PLCG2: variants seen among roughly 807,000 people sequenced by gnomAD.
PLCG2 encodes the protein phospholipase C gamma 2.
PLCG2 carries 69 observed loss-of-function variants against 175.6 expected under a neutral mutation model. The observed-to-expected ratio is 0.39, with a 90% CI of 0.32 to 0.48. The LOEUF (loss-of-function observed/expected upper bound fraction) is 0.48, where lower values mean the gene tolerates loss of function less well. PLCG2 is among the 20% of genes least tolerant of loss of function. The probability of loss-of-function intolerance (pLI) is 0.91; values close to 1 mark genes in which losing one functional copy is unlikely to be tolerated. For synonymous variants in PLCG2, 827 were observed against 624.0 expected (o/e 1.33, Z -4.85); for missense variants, 1,798 against 1,650.9 (o/e 1.09, Z -1.54).
Position 81,938,904 on chromosome 16 carries a change from C to T in PLCG2, c.3302C>T (p.Thr1101Met), listed in dbSNP as rs755617580. 17 of 1,603,982 alleles carry T rather than the reference C, an allele frequency of 1.1e-5. No homozygotes were observed. The highest frequency in any genetic ancestry group is 1.5e-5 in the Non-Finnish European group (17 of 1,171,416). ...GAEYDNNKFKTTVVNDNGLSP... is the reference protein window; with the variant it reads ...GAEYDNNKFKMTVVNDNGLSP... The stretch of plus-strand genomic sequence containing the variant: ...GAGTATGACAACAACAAGTTCAAGA[C>T]GACGGTTGTGAGTAAGTCAGTCACC... Residue 1101 changes from threonine (T) to methionine (M), a missense_variant, in exon 29 of 33, where the codon ACG becomes ATG. By Grantham distance (81) the Thr-to-Met change is moderately conservative. Transcript: ENST00000564138.
chr16:81,923,887 A>G (rs1910157826), intron 22 of PLCG2, among the ~76,000 whole-genome samples: 1 of 152,216 alleles, frequency 6.6e-6, no homozygotes, highest in Non-Finnish European at 1.5e-5. Context: ...GCAGTCTGCT[A>G]ATTGCTTTCC....
At chr16:81,787,745 A>G (rs1484782071) in intron 2 of PLCG2, among the ~76,000 whole-genome samples, 1 of 151,536 alleles carries the variant, frequency 6.6e-6, no homozygotes, top group East Asian at 1.9e-4. Context: ...CATCCCCCCT[A>G]CCAGACGTAA....
intron 2 of PLCG2, among the ~76,000 whole-genome samples, chr16:81,821,903 A>C (rs1904816576): frequency 6.6e-6 from 1 of 151,492 alleles, no homozygotes; most frequent in South Asian, 2.1e-4. Flanking sequence ...GCACAAAGAG[A>C]GAGCCAGACA....
intron 14 of PLCG2, among the ~76,000 whole-genome samples, chr16:81,902,339 C>G (rs1012672374): frequency 3.3e-4 from 51 of 152,294 alleles, no homozygotes; most frequent in African/African-American, 1.2e-3. Flanking sequence ...ACAACAGGAA[C>G]TGATTTCTCA....
At chr16:81,851,640 G>A (rs949522059) in intron 2 of PLCG2, among the ~76,000 whole-genome samples, 8 of 152,160 alleles carry the variant, frequency 5.3e-5, no homozygotes, top group Non-Finnish European at 8.8e-5. Context: ...ATCCTCCCAA[G>A]TAGCTGGTAC....
chr16:81,909,598 G>T (rs1462028360), intron 17 of PLCG2, among the ~76,000 whole-genome samples: 1 of 152,182 alleles, frequency 6.6e-6, no homozygotes, highest in Non-Finnish European at 1.5e-5. Flanking sequence ...TAAATTTTTT[G>T]TAGAGCTGGA....
intron 1 of PLCG2, among the ~76,000 whole-genome samples, chr16:81,743,756 T>G (rs757355462): frequency 6.6e-5 from 10 of 152,166 alleles, no homozygotes; most frequent in Non-Finnish European, 1.5e-4. Flanking sequence ...AGTGGCGAGA[T>G]GAAGAAAGAC....
intron 2 of PLCG2, among the ~76,000 whole-genome samples, chr16:81,853,055 G>A (rs1273070479): frequency 1.3e-5 from 2 of 152,212 alleles, no homozygotes. Flanking sequence ...CCCAGGCTGG[G>A]CCCGCTGGCT....
At chr16:81,902,537 CCT>C (rs1234362844) in intron 14 of PLCG2, among the ~76,000 whole-genome samples, 1 of 152,012 alleles carries the variant, frequency 6.6e-6, no homozygotes, top group Non-Finnish European at 1.5e-5. Flanking sequence ...ATATCTTTGG[CCT>C]CTTTTATAAG....
At chr16:81,778,938 G>A (rs1910587151), upstream of PLCG2, among the ~76,000 whole-genome samples, 1 of 152,242 alleles carries the variant, frequency 6.6e-6, no homozygotes, top group South Asian at 2.1e-4. Context: ...TGGGATGACA[G>A]GCGTGAGCCC....
intron 2 of PLCG2, among the ~76,000 whole-genome samples, chr16:81,845,284 T>G (rs1250499350): frequency 6.6e-6 from 1 of 152,234 alleles, no homozygotes; most frequent in Admixed American, 6.5e-5. Context: ...CTTGATTCAG[T>G]TGCTAACAAG....
intron 2 of PLCG2, among the ~76,000 whole-genome samples, chr16:81,811,545 G>C (rs1010502116): frequency 2.0e-5 from 3 of 151,968 alleles, no homozygotes; most frequent in Non-Finnish European, 1.5e-5. Flanking sequence ...ACAGGCCCCA[G>C]TGTGTGGTGT....
At chr16:81,800,685 A>G (rs138170755) in intron 2 of PLCG2, among the ~76,000 whole-genome samples, 4 of 151,840 alleles carry the variant, frequency 2.6e-5, no homozygotes, top group Non-Finnish European at 4.4e-5. Context: ...TATTATTATT[A>G]TTATTGTTAT....
chr16:81,891,329 G>A (rs1335685149), intron 10 of PLCG2, 143 bp from the exon 11 acceptor site: 5 of 645,748 alleles, frequency 7.7e-6, no homozygotes, highest in Middle Eastern at 3.3e-4. Context: ...TATTGAAAAC[G>A]TGGGTAACTG....
chr16:81,746,628 C>A (rs1909713048), intron 1 of PLCG2, among the ~76,000 whole-genome samples: 1 of 152,192 alleles, frequency 6.6e-6, no homozygotes, highest in Non-Finnish European at 1.5e-5. Flanking sequence ...AGAATAAGAG[C>A]AATATACACT....
At chr16:81,789,809 A>T (rs1342727960) in intron 2 of PLCG2, among the ~76,000 whole-genome samples, 1 of 130,610 alleles carries the variant, frequency 7.7e-6, no homozygotes, top group Non-Finnish European at 1.6e-5. Context: ...TCTCCCTCCC[A>T]CTTTCCCTTT....
intron 5 of PLCG2, among the ~76,000 whole-genome samples, chr16:81,860,172 A>ATTATTATTATTTTTTT (rs763047744): frequency 8.3e-6 from 1 of 120,614 alleles, no homozygotes; most frequent in South Asian, 2.7e-4. Flanking sequence ...TATTATTATT[A>ATTATTATTATTTTTTT]TTTTTTTTTT....
At position 81,783,380 on chromosome 16, in the gene PLCG2, C is replaced by T. The variant is rs186251898; in HGVS notation, c.-47-2563C>T. Among the ~76,000 whole-genome samples, 473 of 152,294 alleles carry T rather than the reference C, an allele frequency of 3.1e-3. 1 individual carries two copies. Among genetic ancestry groups the T allele is most frequent in the Admixed American group, 6.5e-3 (99 of 15,294 alleles). Reference sequence around the variant, plus strand: ...TGCAGGTTTGTTACATATATATACACGTGCCATGTTGGTGTGCTGCACCCA... The same window carrying T: ...TGCAGGTTTGTTACATATATATACATGTGCCATGTTGGTGTGCTGCACCCA... On this transcript the variant is annotated intron_variant, in intron 1 of 32. Transcript: ENST00000564138.
At chr16:81,750,971 C>CTTTTTTT (rs34518159) in intron 1 of PLCG2, among the ~76,000 whole-genome samples, 1 of 41,732 alleles carries the variant, frequency 2.4e-5, no homozygotes, top group Non-Finnish European at 4.5e-5. Context: ...CCGCACCCAG[C>CTTTTTTT]TTTTTTTTTT....
Sources: allele counts gnomAD v4.1 joint callset (sites outside exome capture counted in the v4.1 genomes callset), GRCh38; gene constraint gnomAD v4.1.1; transcripts MANE v1.5; gene names NCBI Gene and HGNC (gene_info 2026-07-23, HGNC 2026-07-21).